The following EMID1 variants were observed in gnomAD, a reference collection of about 807,000 sequenced individuals.
EMID1 encodes EMI domain containing 1.
A neutral mutation model predicts 60.6 loss-of-function variants in EMID1; 40 were observed. That is an observed-to-expected ratio of 0.66 (90% CI 0.51 to 0.86). The LOEUF (loss-of-function observed/expected upper bound fraction) is 0.86, where lower values mean the gene tolerates loss of function less well. Among genes scored for constraint, EMID1 ranks in the 40% least tolerant of loss-of-function variants. EMID1 has a pLI of 0.00. For missense variants in EMID1, 585 were observed against 597.1 expected (o/e 0.98, Z 0.21); for synonymous variants, 242 against 231.0 (o/e 1.05, Z -0.43).
intron 12 of EMID1, 65 bp from the exon 13 acceptor site, chr22:29,243,380 T>G (rs2041220122): frequency 4.5e-6 from 7 of 1,541,678 alleles, no homozygotes; most frequent in Non-Finnish European, 6.2e-6. Flanking sequence ...TCCTCCCTCT[T>G]TTTTTCCCGT....
At chr22:29,214,557 G>A (rs2040012945) in intron 1 of EMID1, among the ~76,000 whole-genome samples, 1 of 152,198 alleles carries the variant, frequency 6.6e-6, no homozygotes, top group African/African-American at 2.4e-5. Context: ...GCCACTCACT[G>A]TAGTTGTCCA....
At chr22:29,240,200 G>C (rs1308744992) in intron 12 of EMID1, among the ~76,000 whole-genome samples, 1 of 152,088 alleles carries the variant, frequency 6.6e-6, no homozygotes, top group Non-Finnish European at 1.5e-5. Flanking sequence ...GTTTTTGTTT[G>C]GGGGTTGTTT....
At chr22:29,231,775 G>A (rs1354951832) in intron 7 of EMID1, 93 bp downstream of exon 7, 3 of 1,274,466 alleles carry the variant, frequency 2.4e-6, no homozygotes, top group Non-Finnish European at 3.1e-6. Flanking sequence ...GGATGACCTG[G>A]GCCCTTTCAT....
chr22:29,231,570 G>C, intron 6 of EMID1, 23 bp from the exon 7 acceptor site: 1 of 1,549,270 alleles, frequency 6.5e-7, no homozygotes, highest in East Asian at 2.4e-5. Flanking sequence ...GGAGCTGCCA[G>C]TCTGATATGC....
At chr22:29,240,657 A>G (rs538738403) in intron 12 of EMID1, among the ~76,000 whole-genome samples, 1 of 152,366 alleles carries the variant, frequency 6.6e-6, no homozygotes, top group Admixed American at 6.5e-5. Flanking sequence ...TATGCTTCAA[A>G]GAAAATGCTA....
At chr22:29,250,651 C>T (rs1280141799) in intron 13 of EMID1, among the ~76,000 whole-genome samples, 1 of 149,970 alleles carries the variant, frequency 6.7e-6, no homozygotes, top group Non-Finnish European at 1.5e-5. Context: ...ACTGCAACCT[C>T]TGCCTCCCAG....
At chr22:29,222,176 C>G (rs1363285982) in intron 3 of EMID1, among the ~76,000 whole-genome samples, 1 of 152,168 alleles carries the variant, frequency 6.6e-6, no homozygotes, top group Admixed American at 6.5e-5. Context: ...TCACTGCAAC[C>G]TCGACCTTCC....
At chr22:29,232,481 G>C in intron 8 of EMID1, 79 bp downstream of exon 8, 1 of 1,419,972 alleles carries the variant, frequency 7.0e-7, no homozygotes. Flanking sequence ...CATCTGCCAC[G>C]TGCCTTCTGT....
Position 29,232,252 on chromosome 22 carries a change from G to A in EMID1, c.677-4G>A. 2 of 1,611,414 alleles carry A rather than the reference G, an allele frequency of 1.2e-6. No homozygotes were observed. The highest frequency in any genetic ancestry group is 8.5e-7 in the Non-Finnish European group (1 of 1,179,610). On this transcript the variant is annotated splice_polypyrimidine_tract_variant and splice_region_variant and intron_variant, in intron 7 of 14. Transcript: ENST00000334018. ...ACCCACAAATCCGTGTGATTCCATT[G>A]CAGGTCCACAGGGCCCCCCAGGGAG...
In EMID1 at chr22:29,259,108, CAT is replaced by C. The variant is rs534691941; in HGVS notation, c.*165_*166del. 3.9e-5 allele frequency: 43 copies of C among 1,112,660 alleles called. No individual in the cohort carries two copies. Among genetic ancestry groups the C allele is most frequent in the South Asian group, 1.6e-4 (10 of 62,652 alleles). 68.9% of individuals were successfully genotyped at this position (1,112,660 alleles called of 1,614,324 possible). A position where few individuals can be genotyped will look rare whatever the true frequency, so the allele number is the denominator to read the frequency against. On this transcript the variant is annotated 3_prime_UTR_variant, in exon 15 of 15. Transcript: ENST00000334018. ...CAGGTCTCAGTCCTGGCACCATGCACATGTCTGAGGCTGAGCAAGGGCTGAGA... is the reference window on the plus strand; with the variant it reads ...CAGGTCTCAGTCCTGGCACCATGCACGTCTGAGGCTGAGCAAGGGCTGAGA...
At chr22:29,255,972 C>T (rs2041692063) in intron 14 of EMID1, among the ~76,000 whole-genome samples, 1 of 152,080 alleles carries the variant, frequency 6.6e-6, no homozygotes. Flanking sequence ...GGGTGGTACC[C>T]CTCCTTGCGT....
intron 13 of EMID1, among the ~76,000 whole-genome samples, chr22:29,253,354 G>A (rs558289343): frequency 5.3e-5 from 8 of 152,288 alleles, no homozygotes; most frequent in African/African-American, 7.2e-5. Context: ...AGACCGAGGC[G>A]GGCAGATCAC....
At position 29,205,993 on chromosome 22, in the gene EMID1, G is replaced by C; in HGVS notation, c.-46G>C. The C allele has an allele frequency of 8.8e-7, 1 of 1,141,350 alleles. No individual in the cohort carries two copies. The highest frequency in any genetic ancestry group is 1.1e-6 in the Non-Finnish European group (1 of 922,798). The allele number at this position is 1,141,350 out of a possible 1,614,324, so 70.7% of individuals were successfully genotyped here. On this transcript the variant is annotated 5_prime_UTR_variant, in exon 1 of 15. Coordinates refer to ENST00000334018, the MANE Select transcript of EMID1 (RefSeq NM_133455.4). ...CAGGCAGGCGGGGAGGACAGGCTGGGGGCGGCGACCGCGAGGGGCCGCGCG... is the reference window on the plus strand; with the variant it reads ...CAGGCAGGCGGGGAGGACAGGCTGGCGGCGGCGACCGCGAGGGGCCGCGCG...
chr22:29,213,080 C>T (rs1018405124), intron 1 of EMID1, among the ~76,000 whole-genome samples: 10 of 152,142 alleles, frequency 6.6e-5, no homozygotes, highest in South Asian at 2.1e-4. Flanking sequence ...TACATGTGCA[C>T]GCATATAGAA....
At chr22:29,243,311 G>A in intron 12 of EMID1, 134 bp from the exon 13 acceptor site, 2 of 839,736 alleles carry the variant, frequency 2.4e-6, no homozygotes, top group Non-Finnish European at 1.9e-6. Flanking sequence ...TTTTTGCTTT[G>A]TATCCAATAC....
intron 1 of EMID1, among the ~76,000 whole-genome samples, chr22:29,214,378 C>T (rs894043428): frequency 2.0e-5 from 3 of 152,010 alleles, no homozygotes; most frequent in African/African-American, 7.2e-5. Flanking sequence ...TGGGGAGAAG[C>T]GGAGGAAGGG....
intron 14 of EMID1, among the ~76,000 whole-genome samples, chr22:29,256,021 T>G (rs1381755649): frequency 1.3e-5 from 2 of 152,028 alleles, no homozygotes; most frequent in Non-Finnish European, 2.9e-5. Context: ...TCTCTCCCCA[T>G]GAAACTGGAG....
At chr22:29,251,802 C>A (rs1434345153) in intron 13 of EMID1, among the ~76,000 whole-genome samples, 4 of 152,056 alleles carry the variant, frequency 2.6e-5, no homozygotes, top group Admixed American at 6.6e-5. Context: ...GTAACTAGGA[C>A]TATAGGTGCA....
At chr22:29,211,939 A>T (rs922741208) in intron 1 of EMID1, among the ~76,000 whole-genome samples, 1 of 126,834 alleles carries the variant, frequency 7.9e-6, no homozygotes, top group East Asian at 1.9e-4. Flanking sequence ...AAAGGGGCTT[A>T]TGCCCCCACT....
Sources: allele counts gnomAD v4.1 joint callset (sites outside exome capture counted in the v4.1 genomes callset), GRCh38; gene constraint gnomAD v4.1.1; transcripts MANE v1.5; gene names NCBI Gene and HGNC (gene_info 2026-07-23, HGNC 2026-07-21).